TRPM3: variants seen among roughly 807,000 people sequenced by gnomAD.
TRPM3 encodes transient receptor potential cation channel subfamily M member 3.
Under a neutral mutation model 181.2 loss-of-function variants are expected in TRPM3, and 77 were observed. The observed-to-expected ratio is 0.42, with a 90% CI of 0.35 to 0.51. TRPM3 has a LOEUF of 0.51. Ranked by LOEUF, TRPM3 falls within the 20% of genes least tolerant of loss-of-function variation. TRPM3 has a pLI of 0.01. For missense variants in TRPM3, 1,759 were observed against 2,196.7 expected (o/e 0.80, Z 3.98); for synonymous variants, 745 against 796.4 (o/e 0.94, Z 1.09).
intron 3 of TRPM3, among the ~76,000 whole-genome samples, chr9:70,860,615 T>C (rs1415222): frequency 0.35 from 53,522 of 151,648 alleles, 9,744 homozygotes; most frequent in African/African-American, 0.38. Context: ...GGTCAACCAG[T>C]AGGCTAAGGG....
At chr9:71,299,701 T>C (rs1312906217) in intron 1 of TRPM3, among the ~76,000 whole-genome samples, 3 of 152,156 alleles carry the variant, frequency 2.0e-5, no homozygotes, top group Non-Finnish European at 4.4e-5. Flanking sequence ...CATGTAAAAG[T>C]TGTTGGATTG....
chr9:71,361,838 G>A (rs1249222851), intron 1 of TRPM3, among the ~76,000 whole-genome samples: 1 of 151,632 alleles, frequency 6.6e-6, no homozygotes, highest in Admixed American at 6.6e-5. Context: ...CAAGACTGAA[G>A]GACTAATCAG....
intron 1 of TRPM3, among the ~76,000 whole-genome samples, chr9:70,866,162 A>T (rs895365533): frequency 2.7e-4 from 41 of 152,106 alleles, no homozygotes; most frequent in African/African-American, 8.0e-4. Context: ...ACTTTCATTG[A>T]TAATATCTCT....
chr9:71,067,752 A>G (rs1350200043), intron 1 of TRPM3, among the ~76,000 whole-genome samples: 1 of 152,206 alleles, frequency 6.6e-6, no homozygotes, highest in African/African-American at 2.4e-5. Flanking sequence ...GTTTCTTGCC[A>G]AGGGCTCTTA....
At chr9:71,142,583 C>A (rs191847743) in intron 1 of TRPM3, among the ~76,000 whole-genome samples, 2 of 152,042 alleles carry the variant, frequency 1.3e-5, no homozygotes, top group East Asian at 3.9e-4. Context: ...GAGATCAAAT[C>A]TAATGTTTAA....
intron 1 of TRPM3, among the ~76,000 whole-genome samples, chr9:71,443,065 T>C (rs1219313472): frequency 3.9e-5 from 6 of 152,188 alleles, no homozygotes; most frequent in Admixed American, 1.3e-4. Flanking sequence ...AATAAAACTA[T>C]GAAATTAATA....
chr9:70,685,699 G>A (rs1212710447), intron 8 of TRPM3, among the ~76,000 whole-genome samples: 8 of 152,224 alleles, frequency 5.3e-5, no homozygotes. Flanking sequence ...GAGACACCAT[G>A]CCTGGCCCAA....
chr9:70,673,708 C>T (rs766978136), intron 9 of TRPM3, among the ~76,000 whole-genome samples: 5 of 152,128 alleles, frequency 3.3e-5, no homozygotes, highest in Non-Finnish European at 7.3e-5. Context: ...GCACATAGAT[C>T]ACAATGTCAG....
chr9:70,866,543 ACT>A (rs2132480057), intron 1 of TRPM3, among the ~76,000 whole-genome samples: 1 of 152,182 alleles, frequency 6.6e-6, no homozygotes, highest in East Asian at 1.9e-4. Context: ...TTTTGGGGGT[ACT>A]ATGCTTTGCT....
intron 8 of TRPM3, among the ~76,000 whole-genome samples, chr9:70,685,327 T>TC (rs1158557668): frequency 2.0e-5 from 3 of 152,220 alleles, no homozygotes. Context: ...GGCAATGTTT[T>TC]CATTCCTCTC....
At chr9:71,250,266 A>T (rs2082268890) in intron 1 of TRPM3, among the ~76,000 whole-genome samples, 1 of 152,166 alleles carries the variant, frequency 6.6e-6, no homozygotes, top group South Asian at 2.1e-4. Flanking sequence ...CCCTTCCCAT[A>T]TCTGTTGGCA....
At chr9:71,179,771 A>C (rs2077293376) in intron 1 of TRPM3, among the ~76,000 whole-genome samples, 1 of 152,138 alleles carries the variant, frequency 6.6e-6, no homozygotes, top group South Asian at 2.1e-4. Flanking sequence ...GAAATTTTCC[A>C]TTCGGGGAAT....
intron 9 of TRPM3, 87 bp downstream of exon 9, chr9:70,681,419 G>T: frequency 1.8e-6 from 2 of 1,103,808 alleles, no homozygotes; most frequent in Non-Finnish European, 1.4e-6. Context: ...GTATCATTTG[G>T]GATTATATCT....
intron 1 of TRPM3, among the ~76,000 whole-genome samples, chr9:71,264,156 T>G (rs898088752): frequency 1.3e-5 from 2 of 152,056 alleles, no homozygotes; most frequent in African/African-American, 4.8e-5. Flanking sequence ...GTGACTTACC[T>G]TTGACATAAT....
intron 6 of TRPM3, 123 bp downstream of exon 6, chr9:70,827,723 GA>G: frequency 8.1e-7 from 1 of 1,235,932 alleles, no homozygotes; most frequent in South Asian, 1.5e-5. Flanking sequence ...TGGCCCGGTA[GA>G]AATAATGGTT....
intron 9 of TRPM3, among the ~76,000 whole-genome samples, chr9:70,676,869 T>C (rs1482912576): frequency 6.6e-6 from 1 of 151,812 alleles, no homozygotes; most frequent in African/African-American, 2.4e-5. Context: ...GAAACCGTCT[T>C]CCCCAAGGCA....
At chr9:71,216,999 G>A (rs2079920778) in intron 1 of TRPM3, among the ~76,000 whole-genome samples, 1 of 127,020 alleles carries the variant, frequency 7.9e-6, no homozygotes, top group Non-Finnish European at 1.6e-5. Context: ...CGCCCAGGCT[G>A]GAGTGCAGTG....
chr9:70,896,197 G>C (rs551214777), intron 1 of TRPM3, among the ~76,000 whole-genome samples: 1 of 152,226 alleles, frequency 6.6e-6, no homozygotes, highest in East Asian at 1.9e-4. Context: ...TTTGGTGCAG[G>C]CTGTTGTTAT....
chr9:70,640,955 G>A (rs576179921), intron 9 of TRPM3, among the ~76,000 whole-genome samples: 6 of 152,098 alleles, frequency 3.9e-5, no homozygotes, highest in African/African-American at 1.4e-4. Flanking sequence ...ACATGTTTAT[G>A]GTATGCATGT....
Sources: gnomAD v4.1 joint callset for allele counts (sites outside exome capture counted in the v4.1 genomes callset) on GRCh38, gnomAD v4.1.1 for gene constraint, MANE v1.5 for transcripts, NCBI Gene and HGNC (gene_info 2026-07-23, HGNC 2026-07-21) for gene names.